Variants in GRIA1 observed in about 807,000 individuals in gnomAD.
The protein encoded by GRIA1 is glutamate ionotropic receptor AMPA type subunit 1, also known as glutamate receptor 1.
A neutral mutation model predicts 99.2 loss-of-function variants in GRIA1; 31 were observed. That is an observed-to-expected ratio of 0.31 (90% CI 0.23 to 0.42). The LOEUF (loss-of-function observed/expected upper bound fraction) is 0.42. Ranked by LOEUF, GRIA1 falls within the 10% of genes least tolerant of loss-of-function variation. The pLI is 1.00. For synonymous variants in GRIA1, 438 were observed against 432.4 expected, an observed-to-expected ratio of 1.01 and a Z score of -0.16; for missense variants, 782 against 1,157.5, an observed-to-expected ratio of 0.68 and a Z score of 4.71.
At chr5:153,715,624 G>A (rs989327632) in intron 11 of GRIA1, among the ~76,000 whole-genome samples, 17 of 152,064 alleles carry the variant, frequency 1.1e-4, no homozygotes, top group Non-Finnish European at 2.9e-5. Context: ...CCTTGCACGG[G>A]GGTGACACAC....
chr5:153,782,505 A>G (rs1188978831), intron 13 of GRIA1, among the ~76,000 whole-genome samples: 1 of 152,224 alleles, frequency 6.6e-6, no homozygotes, highest in Non-Finnish European at 1.5e-5. Flanking sequence ...CTCAATTTTT[A>G]TATAAACTAT....
intron 11 of GRIA1, among the ~76,000 whole-genome samples, chr5:153,761,135 A>G (rs1763158072): frequency 6.6e-6 from 1 of 152,150 alleles, no homozygotes; most frequent in African/African-American, 2.4e-5. Flanking sequence ...TTTAAACAGA[A>G]CCTCAAAATC....
chr5:153,705,554 G>A (rs1008730457), intron 10 of GRIA1, 143 bp from the exon 11 acceptor site: 1 of 1,003,030 alleles, frequency 1.0e-6, no homozygotes, highest in African/African-American at 1.6e-5. Context: ...AGTAGGAGGG[G>A]TTGGACTTCA....
At chr5:153,574,936 C>T (rs1042718513) in intron 2 of GRIA1, among the ~76,000 whole-genome samples, 3 of 152,084 alleles carry the variant, frequency 2.0e-5, no homozygotes, top group Non-Finnish European at 2.9e-5. Context: ...CTGTACAATA[C>T]TGAAACAGTG....
At chr5:153,601,895 A>AT (rs763916477) in intron 2 of GRIA1, among the ~76,000 whole-genome samples, 140 of 152,298 alleles carry the variant, frequency 9.2e-4, no homozygotes, top group Admixed American at 2.4e-3. Flanking sequence ...TGGCCAGGAG[A>AT]TGCCTCCAGG....
At chr5:153,735,735 A>C (rs1322303907) in intron 11 of GRIA1, among the ~76,000 whole-genome samples, 1 of 152,176 alleles carries the variant, frequency 6.6e-6, no homozygotes, top group Non-Finnish European at 1.5e-5. Context: ...TCCAGAATAC[A>C]TATTTAAAAA....
intron 2 of GRIA1, among the ~76,000 whole-genome samples, chr5:153,526,114 T>C (rs936578660): frequency 6.6e-6 from 1 of 152,210 alleles, no homozygotes; most frequent in Admixed American, 6.5e-5. Flanking sequence ...GGGCCTCTGT[T>C]TCTTTATCTG....
At chr5:153,578,736 G>A (rs35097496) in intron 2 of GRIA1, among the ~76,000 whole-genome samples, 16,165 of 152,042 alleles carry the variant, frequency 0.11, 953 homozygotes, top group South Asian at 0.25. Flanking sequence ...GTGAAACCCC[G>A]TCTTTACTAA....
intron 11 of GRIA1, among the ~76,000 whole-genome samples, chr5:153,735,385 A>T (rs1761313680): frequency 6.6e-6 from 1 of 152,162 alleles, no homozygotes; most frequent in South Asian, 2.1e-4. Context: ...GAGAGTCATG[A>T]TCAACTGAGC....
At chr5:153,707,859 C>G (rs760745976) in intron 11 of GRIA1, among the ~76,000 whole-genome samples, 69 of 152,012 alleles carry the variant, frequency 4.5e-4, no homozygotes, top group Non-Finnish European at 8.5e-4. Flanking sequence ...GTGAGACTGG[C>G]TGCTTGGCCA....
At chr5:153,520,761 T>A (rs1757063499) in intron 2 of GRIA1, among the ~76,000 whole-genome samples, 1 of 152,176 alleles carries the variant, frequency 6.6e-6, no homozygotes, top group African/African-American at 2.4e-5. Context: ...CTCACCTGAT[T>A]CACAGGGAAC....
At chr5:153,607,753 T>A (rs1035598420) in intron 2 of GRIA1, among the ~76,000 whole-genome samples, 5 of 152,102 alleles carry the variant, frequency 3.3e-5, no homozygotes, top group Non-Finnish European at 7.4e-5. Context: ...ATGTTATTAT[T>A]GTTGCATAAT....
intron 2 of GRIA1, among the ~76,000 whole-genome samples, chr5:153,628,639 C>A (rs1767859432): frequency 6.6e-6 from 1 of 152,236 alleles, no homozygotes; most frequent in Non-Finnish European, 1.5e-5. Context: ...AATGCACCTA[C>A]AACTTCATCT....
Position 153,811,810 on chromosome 5 carries a change from C to T in GRIA1, c.*585C>T, listed in dbSNP as rs1416884880. 6.5e-6 allele frequency: 1 copy of T among 153,748 alleles called. No individual in the cohort carries two copies. Among genetic ancestry groups the T allele is most frequent in the Non-Finnish European group, 1.4e-5 (1 of 69,216 alleles). 9.5% of individuals were successfully genotyped at this position (153,748 alleles called of 1,614,324 possible). Reference sequence around the variant, plus strand: ...GTTACCCTCCACTCCTTGGCCCAAACCTCTGATGGAGATAGACATTGTTGG... The same window carrying T: ...GTTACCCTCCACTCCTTGGCCCAAATCTCTGATGGAGATAGACATTGTTGG... On this transcript the variant is annotated 3_prime_UTR_variant, in exon 16 of 16. Transcript: ENST00000285900.
chr5:153,600,246 G>T (rs549732382), intron 2 of GRIA1, among the ~76,000 whole-genome samples: 2 of 151,984 alleles, frequency 1.3e-5, no homozygotes, highest in African/African-American at 4.8e-5. Context: ...AAAAAAACTA[G>T]CTGGGCGTGG....
At chr5:153,496,062 G>T (rs757975211) in intron 2 of GRIA1, among the ~76,000 whole-genome samples, 27 of 152,214 alleles carry the variant, frequency 1.8e-4, no homozygotes, top group Admixed American at 3.9e-4. Context: ...GATGTGAACT[G>T]CTCTCCTAGT....
chr5:153,666,838 T>C (rs1483245579), intron 5 of GRIA1, among the ~76,000 whole-genome samples: 2 of 152,220 alleles, frequency 1.3e-5, no homozygotes, highest in African/African-American at 2.4e-5. Flanking sequence ...GTCTGCCTTC[T>C]ATGACATTTG....
intron 5 of GRIA1, among the ~76,000 whole-genome samples, chr5:153,674,023 C>T (rs976910348): frequency 6.6e-6 from 1 of 152,184 alleles, no homozygotes; most frequent in African/African-American, 2.4e-5. Context: ...ATTCAGATTC[C>T]TCTTCTCTCA....
At chr5:153,578,289 T>C (rs965795677) in intron 2 of GRIA1, among the ~76,000 whole-genome samples, 9 of 152,002 alleles carry the variant, frequency 5.9e-5, no homozygotes, top group Non-Finnish European at 7.4e-5. Flanking sequence ...AGTGGGTCAG[T>C]GAATGCCCTT....
Sources: gnomAD v4.1 joint callset for allele counts (sites outside exome capture counted in the v4.1 genomes callset) on GRCh38, gnomAD v4.1.1 for gene constraint, MANE v1.5 for transcripts, NCBI Gene and HGNC (gene_info 2026-07-23, HGNC 2026-07-21) for gene names.